Variants in CADM2 observed in about 807,000 individuals in gnomAD.
CADM2 encodes cell adhesion molecule 2.
CADM2 carries 12 observed loss-of-function variants against 49.8 expected under a neutral mutation model. That is an observed-to-expected ratio of 0.24 (90% CI 0.15 to 0.39). The LOEUF (loss-of-function observed/expected upper bound fraction) is 0.39, where lower values mean the gene tolerates loss of function less well. Among genes scored for constraint, CADM2 ranks in the 10% least tolerant of loss-of-function variants. The probability of loss-of-function intolerance (pLI) is 1.00; values close to 1 mark genes in which losing one functional copy is unlikely to be tolerated. For synonymous variants in CADM2, 214 were observed against 175.4 expected (o/e 1.22, Z -1.74); for missense variants, 378 against 492.3 (o/e 0.77, Z 2.20).
At chr3:85,155,451 T>C (rs1429359939) in intron 1 of CADM2, among the ~76,000 whole-genome samples, 1 of 151,806 alleles carries the variant, frequency 6.6e-6, no homozygotes, top group African/African-American at 2.4e-5. Context: ...AAGTCCTGAG[T>C]GACCTATAAA....
At chr3:85,499,040 T>C (rs1444499843) in intron 1 of CADM2, among the ~76,000 whole-genome samples, 1 of 152,176 alleles carries the variant, frequency 6.6e-6, no homozygotes, top group Non-Finnish European at 1.5e-5. Flanking sequence ...TTTCAAAATG[T>C]TGTTTCAATA....
intron 1 of CADM2, among the ~76,000 whole-genome samples, chr3:85,291,717 A>G (rs1489042118): frequency 6.8e-6 from 1 of 147,526 alleles, no homozygotes; most frequent in Non-Finnish European, 1.5e-5. Flanking sequence ...GAAATAAAAT[A>G]CTTTACAGAC....
rs2070176583 is a variant in CADM2, at chr3:85,773,035, T to C, written c.89-29012T>C. Among the ~76,000 whole-genome samples, 3 of 152,044 alleles carry C rather than the reference T, an allele frequency of 2.0e-5. 1 individual carries two copies. On this transcript the variant is annotated intron_variant, in intron 2 of 9. Transcript: ENST00000383699. ...AGATAGATCCCAGTTGCATAATTGA[T>C]TAAGCAGCTGAGATACACATATTTT...
At chr3:85,008,651 A>G (rs2107242950) in intron 1 of CADM2, among the ~76,000 whole-genome samples, 1 of 152,252 alleles carries the variant, frequency 6.6e-6, no homozygotes, top group South Asian at 2.1e-4. Flanking sequence ...AAAAAAATTG[A>G]TTTCAGAAGT....
chr3:85,854,198 A>G lies in CADM2; in HGVS notation c.239-29093A>G, dbSNP rs558285899. ...TAGCAGACTGGAATTCTTTCACTGT[A>G]TTCCACAACCACTCTAAAAGTGCTT... On this transcript the variant is annotated intron_variant, in intron 3 of 9. Transcript: ENST00000383699. 1.2e-3 allele frequency among the ~76,000 whole-genome samples: 178 copies of G among 152,336 alleles called. 1 individual carries two copies. The highest frequency in any genetic ancestry group is 4.1e-3 in the African/African-American group (169 of 41,584).
chr3:85,722,075 G>C (rs1417706456), intron 1 of CADM2, among the ~76,000 whole-genome samples: 1 of 152,052 alleles, frequency 6.6e-6, no homozygotes, highest in African/African-American at 2.4e-5. Context: ...GCTCCTTTCT[G>C]CAGCTCGTCT....
chr3:85,784,947 G>C (rs1278192393), intron 2 of CADM2, among the ~76,000 whole-genome samples: 1 of 152,062 alleles, frequency 6.6e-6, no homozygotes, highest in East Asian at 1.9e-4. Context: ...TTTTATTGAG[G>C]CTTCTATCTT....
chr3:85,333,311 A>G (rs1559784607), intron 1 of CADM2, among the ~76,000 whole-genome samples: 1 of 151,836 alleles, frequency 6.6e-6, no homozygotes, highest in South Asian at 2.1e-4. Flanking sequence ...TTAGCGAGCC[A>G]TGTAAATAAT....
intron 1 of CADM2, among the ~76,000 whole-genome samples, chr3:85,686,619 T>C (rs1008860037): frequency 1.3e-5 from 2 of 152,214 alleles, no homozygotes; most frequent in African/African-American, 2.4e-5. Context: ...TGATCTAATA[T>C]AATACCAAAA....
chr3:85,658,912 C>T (rs1040983411), intron 1 of CADM2, among the ~76,000 whole-genome samples: 4 of 150,810 alleles, frequency 2.7e-5, no homozygotes, highest in Non-Finnish European at 4.4e-5. Flanking sequence ...ATTAGCCAGG[C>T]ACAGTGGTGT....
At chr3:85,352,387 G>T (rs2031437386) in intron 1 of CADM2, among the ~76,000 whole-genome samples, 2 of 151,992 alleles carry the variant, frequency 1.3e-5, no homozygotes, top group Admixed American at 1.3e-4. Context: ...ATAACATCAA[G>T]ATTATATATC....
intron 1 of CADM2, among the ~76,000 whole-genome samples, chr3:85,167,660 A>C (rs1309027226): frequency 6.6e-6 from 1 of 152,184 alleles, no homozygotes. Context: ...CATTGATTTT[A>C]TTTAACAATT....
intron 1 of CADM2, among the ~76,000 whole-genome samples, chr3:85,271,499 C>A (rs889539551): frequency 6.6e-6 from 1 of 151,142 alleles, no homozygotes. Flanking sequence ...AATCCTCCAA[C>A]CTATTTTCTT....
At chr3:85,377,882 A>C (rs1294176202) in intron 1 of CADM2, among the ~76,000 whole-genome samples, 1 of 152,042 alleles carries the variant, frequency 6.6e-6, no homozygotes, top group East Asian at 1.9e-4. Context: ...CAGAAAATCA[A>C]AATTCGATGT....
intron 1 of CADM2, among the ~76,000 whole-genome samples, chr3:85,569,515 T>G (rs1464389711): frequency 6.6e-6 from 1 of 152,148 alleles, no homozygotes; most frequent in Non-Finnish European, 1.5e-5. Flanking sequence ...GCAAAATCAC[T>G]GTACCATTCT....
At chr3:85,593,185 ATTTT>A (rs1410335790) in intron 1 of CADM2, among the ~76,000 whole-genome samples, 2 of 150,794 alleles carry the variant, frequency 1.3e-5, no homozygotes, top group African/African-American at 4.9e-5. Flanking sequence ...ATTTTATTTT[ATTTT>A]ATTATACTTT....
intron 1 of CADM2, among the ~76,000 whole-genome samples, chr3:85,343,500 G>T (rs544191101): frequency 5.5e-4 from 84 of 152,042 alleles, no homozygotes; most frequent in Non-Finnish European, 9.6e-4. Flanking sequence ...ATTAATATGA[G>T]AATTTTCTTT....
intron 1 of CADM2, among the ~76,000 whole-genome samples, chr3:85,453,172 CATTTT>C (rs2037829949): frequency 2.0e-5 from 3 of 151,906 alleles, no homozygotes; most frequent in Non-Finnish European, 4.4e-5. Context: ...TATTTCATTC[CATTTT>C]ATTTTTTTGT....
At chr3:85,222,828 T>C (rs138713142) in intron 1 of CADM2, among the ~76,000 whole-genome samples, 75 of 152,300 alleles carry the variant, frequency 4.9e-4, no homozygotes, top group African/African-American at 1.7e-3. Flanking sequence ...TTTGGTCTCA[T>C]CCCTTGAGTT....
Sources: gnomAD v4.1 joint callset for allele counts (sites outside exome capture counted in the v4.1 genomes callset) on GRCh38, gnomAD v4.1.1 for gene constraint, MANE v1.5 for transcripts, NCBI Gene and HGNC (gene_info 2026-07-23, HGNC 2026-07-21) for gene names.